Variants in KIAA1328 observed in about 807,000 individuals in gnomAD.
The protein encoded by KIAA1328 is KIAA1328, also known as protein hinderin.
Under a neutral mutation model 68.1 loss-of-function variants are expected in KIAA1328, and 52 were observed. The observed-to-expected ratio is 0.76, with a 90% CI of 0.61 to 0.96. The LOEUF (loss-of-function observed/expected upper bound fraction) is 0.96. Ranked by LOEUF, KIAA1328 falls within the 40% of genes least tolerant of loss-of-function variation. KIAA1328 has a pLI of 0.00. For synonymous variants in KIAA1328, 232 were observed against 239.4 expected (o/e 0.97, Z 0.28); for missense variants, 641 against 677.6 (o/e 0.95, Z 0.60).
rs1217388713 is a variant in KIAA1328 at position 36,939,749 on chromosome 18, G to A, written c.449-19559G>A. 3.3e-5 allele frequency among the ~76,000 whole-genome samples: 5 copies of A among 151,988 alleles called. No individual in the cohort carries two copies. In the East Asian group the frequency reaches 9.6e-4, roughly 29 times the overall value. Reference sequence around the variant, plus strand: ...GCTTTTCATATATGACCTTTATTGTGTTGAGGTACATGTTTTCTGTGCCTA... The same window carrying A: ...GCTTTTCATATATGACCTTTATTGTATTGAGGTACATGTTTTCTGTGCCTA... On this transcript the variant is annotated intron_variant, in intron 5 of 9. Transcript: ENST00000280020.
At chr18:36,910,669 G>T (rs982110482) in intron 5 of KIAA1328, among the ~76,000 whole-genome samples, 3 of 152,088 alleles carry the variant, frequency 2.0e-5, no homozygotes, top group South Asian at 4.1e-4. Context: ...GAAAGTAATT[G>T]GTAGCTTGTT....
chr18:36,830,655 G>C (rs2046449919), intron 1 of KIAA1328, among the ~76,000 whole-genome samples: 1 of 152,116 alleles, frequency 6.6e-6, no homozygotes, highest in Non-Finnish European at 1.5e-5. Context: ...TAAGCTCTTG[G>C]TCTTCGCACC....
chr18:36,860,012 T>A (rs1488350250), intron 4 of KIAA1328, among the ~76,000 whole-genome samples: 1 of 152,068 alleles, frequency 6.6e-6, no homozygotes, highest in East Asian at 1.9e-4. Context: ...TTTACTGTCA[T>A]CCATTTAAAA....
At chr18:37,018,585 C>T (rs571414531) in intron 6 of KIAA1328, among the ~76,000 whole-genome samples, 27 of 152,266 alleles carry the variant, frequency 1.8e-4, no homozygotes, top group African/African-American at 6.5e-4. Context: ...TATCCTATCT[C>T]AGGAATGCTA....
intron 4 of KIAA1328, among the ~76,000 whole-genome samples, chr18:36,881,320 T>G (rs1349736050): frequency 6.6e-6 from 1 of 152,186 alleles, no homozygotes; most frequent in Non-Finnish European, 1.5e-5. Flanking sequence ...TTTCTGCATT[T>G]ACATTCATTT....
chr18:37,037,040 T>A (rs1599043153), intron 6 of KIAA1328, among the ~76,000 whole-genome samples: 1 of 152,316 alleles, frequency 6.6e-6, no homozygotes, highest in East Asian at 1.9e-4. Flanking sequence ...GAAAGCAACA[T>A]CTGGCCCAGT....
chr18:37,148,199 G>T (rs559908377), intron 7 of KIAA1328, among the ~76,000 whole-genome samples: 3 of 152,136 alleles, frequency 2.0e-5, no homozygotes, highest in African/African-American at 7.2e-5. Flanking sequence ...TCATTGTTCA[G>T]CTCCCACTTA....
intron 5 of KIAA1328, among the ~76,000 whole-genome samples, chr18:36,894,781 T>G (rs2048817045): frequency 6.6e-6 from 1 of 152,122 alleles, no homozygotes; most frequent in Admixed American, 6.5e-5. Flanking sequence ...CACCTAGGTG[T>G]CCTAAAGTAC....
In KIAA1328 at chr18:36,930,449, A is replaced by C. The variant is rs114866776; in HGVS notation, c.449-28859A>C. Among the ~76,000 whole-genome samples the C allele has an allele frequency of 2.6e-3, 392 of 152,250 alleles. 4 individuals are homozygous for C. The highest frequency in any genetic ancestry group is 8.6e-3 in the African/African-American group (357 of 41,502). On this transcript the variant is annotated intron_variant, in intron 5 of 9. Coordinates refer to ENST00000280020, the MANE Select transcript of KIAA1328 (RefSeq NM_020776.3). ...TTCTTTTGAGACTTTCTGTATTCTA[A>C]ACAGCACAGGCCTCCCTTCTTATGA...
intron 5 of KIAA1328, among the ~76,000 whole-genome samples, chr18:36,958,004 G>A (rs1330650848): frequency 6.6e-6 from 1 of 151,906 alleles, no homozygotes; most frequent in Non-Finnish European, 1.5e-5. Flanking sequence ...ATCTATTTCT[G>A]TCTGTATATA....
chr18:37,123,453 C>G (rs2151939567), intron 7 of KIAA1328, among the ~76,000 whole-genome samples: 1 of 152,116 alleles, frequency 6.6e-6, no homozygotes, highest in South Asian at 2.1e-4. Flanking sequence ...GACAAACTAT[C>G]AAAAATATAA....
At chr18:37,032,239 T>A (rs2054858249) in intron 6 of KIAA1328, among the ~76,000 whole-genome samples, 1 of 152,208 alleles carries the variant, frequency 6.6e-6, no homozygotes, top group South Asian at 2.1e-4. Flanking sequence ...GTCTAATGTA[T>A]AACTGCATAA....
intron 1 of KIAA1328, among the ~76,000 whole-genome samples, chr18:36,831,882 G>A (rs1442585999): frequency 6.6e-6 from 1 of 152,024 alleles, no homozygotes; most frequent in African/African-American, 2.4e-5. Flanking sequence ...ATTACAGTTA[G>A]CCCTCTGTAT....
chr18:36,926,460 C>T (rs2050124162), intron 5 of KIAA1328, among the ~76,000 whole-genome samples: 1 of 152,032 alleles, frequency 6.6e-6, no homozygotes, highest in Non-Finnish European at 1.5e-5. Context: ...CATTCTCACA[C>T]ATCGTATCAG....
intron 4 of KIAA1328, among the ~76,000 whole-genome samples, chr18:36,880,275 G>A (rs1396946331): frequency 6.6e-6 from 1 of 152,176 alleles, no homozygotes; most frequent in Non-Finnish European, 1.5e-5. Flanking sequence ...CCCTTTGCTA[G>A]TGGAGGGAGT....
rs1227148916 is a variant in KIAA1328 at position 37,071,646 on chromosome 18, T to C, written c.1232+4101T>C. Among the ~76,000 whole-genome samples the C allele has an allele frequency of 2.0e-5, 3 of 152,096 alleles. No individual in the cohort carries two copies. In the East Asian group the frequency reaches 5.8e-4, roughly 29 times the overall value. On this transcript the variant is annotated intron_variant, in intron 7 of 9. Coordinates refer to ENST00000280020, the MANE Select transcript of KIAA1328 (RefSeq NM_020776.3). ...TATACATACACATCACTTGAGCAAATCCATGGGATTTTGGTATGAGAGAAG... is the reference window on the plus strand; with the variant it reads ...TATACATACACATCACTTGAGCAAACCCATGGGATTTTGGTATGAGAGAAG...
At chr18:36,921,557 C>G (rs1014200317) in intron 5 of KIAA1328, among the ~76,000 whole-genome samples, 1 of 151,992 alleles carries the variant, frequency 6.6e-6, no homozygotes, top group East Asian at 1.9e-4. Flanking sequence ...GCGCCCACCA[C>G]CACACCGAGC....
At chr18:37,071,622 A>G (rs896185414) in intron 7 of KIAA1328, among the ~76,000 whole-genome samples, 8 of 152,238 alleles carry the variant, frequency 5.3e-5, no homozygotes, top group Admixed American at 1.3e-4. Flanking sequence ...AAGATTATAT[A>G]TACATACACA....
At chr18:36,908,937 C>T (rs1359844995) in intron 5 of KIAA1328, among the ~76,000 whole-genome samples, 1 of 152,056 alleles carries the variant, frequency 6.6e-6, no homozygotes, top group Non-Finnish European at 1.5e-5. Flanking sequence ...TTGGAGTAAG[C>T]TTTCTTATCC....
Sources: allele counts gnomAD v4.1 joint callset (sites outside exome capture counted in the v4.1 genomes callset), GRCh38; gene constraint gnomAD v4.1.1; transcripts MANE v1.5; gene names NCBI Gene and HGNC (gene_info 2026-07-23, HGNC 2026-07-21).